The following DAB1 variants were observed in gnomAD, a reference collection of about 807,000 sequenced individuals.
DAB1 encodes DAB adaptor protein 1, also known as disabled homolog 1.
Under a neutral mutation model 64.6 loss-of-function variants are expected in DAB1, and 15 were observed. That is an observed-to-expected ratio of 0.23 (90% CI 0.16 to 0.36). DAB1 has a LOEUF of 0.36. Ranked by LOEUF, DAB1 falls within the 10% of genes least tolerant of loss-of-function variation. The pLI is 1.00. For synonymous variants in DAB1, 235 were observed against 251.9 expected (o/e 0.93, Z 0.64); for missense variants, 596 against 706.7 (o/e 0.84, Z 1.78).
chr1:57,935,440 C>T (rs558393891), intron 5 of DAB1, among the ~76,000 whole-genome samples: 14 of 152,266 alleles, frequency 9.2e-5, no homozygotes, highest in African/African-American at 3.1e-4. Flanking sequence ...ATGGTAATTG[C>T]TTAATGGTGT....
chr1:57,729,582 C>T (rs1441227552), intron 6 of DAB1, among the ~76,000 whole-genome samples: 5 of 152,230 alleles, frequency 3.3e-5, no homozygotes, highest in Non-Finnish European at 4.4e-5. Flanking sequence ...TACTACCTCA[C>T]AGAATCTCCT....
At chr1:58,205,904 C>A (rs1049179986) in intron 4 of DAB1, among the ~76,000 whole-genome samples, 1 of 152,158 alleles carries the variant, frequency 6.6e-6, no homozygotes, top group African/African-American at 2.4e-5. Context: ...CCCAGTTAGT[C>A]AATGCCAAGT....
chr1:58,493,756 G>C (rs1292780907), intron 3 of DAB1, among the ~76,000 whole-genome samples: 6 of 150,990 alleles, frequency 4.0e-5, no homozygotes, highest in East Asian at 1.9e-4. Flanking sequence ...CACTGCTCAA[G>C]GAAATAAAAG....
At chr1:57,764,103 C>G (rs550191465) in intron 6 of DAB1, among the ~76,000 whole-genome samples, 3 of 152,086 alleles carry the variant, frequency 2.0e-5, no homozygotes, top group African/African-American at 7.2e-5. Flanking sequence ...ACCAAGGGCA[C>G]AAAGCCAGCC....
At chr1:58,008,379 C>T (rs1646618180) in intron 5 of DAB1, among the ~76,000 whole-genome samples, 1 of 151,974 alleles carries the variant, frequency 6.6e-6, no homozygotes, top group African/African-American at 2.4e-5. Flanking sequence ...ACTATGAAAA[C>T]TTAGAGGAAA....
chr1:57,603,923 G>C (rs1178940611), intron 7 of DAB1, among the ~76,000 whole-genome samples: 1 of 152,142 alleles, frequency 6.6e-6, no homozygotes, highest in Non-Finnish European at 1.5e-5. Flanking sequence ...TATTAAACCC[G>C]ACCGTTACCA....
intron 1 of DAB1, chr1:58,527,403 AG>A (rs1456841846): frequency 1.8e-5 from 14 of 797,082 alleles, no homozygotes; most frequent in Non-Finnish European, 2.9e-5. Context: ...TAACACAGAG[AG>A]ATTTTTAAAA....
At chr1:57,485,949 T>A (rs1006385127) in intron 7 of DAB1, among the ~76,000 whole-genome samples, 1 of 152,186 alleles carries the variant, frequency 6.6e-6, no homozygotes, top group African/African-American at 2.4e-5. Flanking sequence ...ATTTCTTTTT[T>A]TCAGTCCTTT....
At chr1:57,482,477 TAAA>T (rs918167439) in intron 7 of DAB1, among the ~76,000 whole-genome samples, 1,288 of 61,126 alleles carry the variant, frequency 0.021, 11 homozygotes, top group Middle Eastern at 0.062. Flanking sequence ...CTGAAAGTTG[TAAA>T]AAAAAAAAAA....
chr1:57,119,890 A>G (rs560176), intron 4 of DAB1, among the ~76,000 whole-genome samples: 122,251 of 152,100 alleles, frequency 0.8, 49,277 homozygotes, highest in East Asian at 0.98. Flanking sequence ...CAGTTACATG[A>G]CAAGAGATTG....
intron 4 of DAB1, among the ~76,000 whole-genome samples, chr1:57,112,373 T>C (rs1655740122): frequency 6.6e-6 from 1 of 152,192 alleles, no homozygotes; most frequent in Non-Finnish European, 1.5e-5. Flanking sequence ...ATTTCCACAA[T>C]GGTCTTCTGT....
At chr1:57,266,246 A>G (rs1670582480) in intron 2 of DAB1, among the ~76,000 whole-genome samples, 1 of 152,214 alleles carries the variant, frequency 6.6e-6, no homozygotes, top group Admixed American at 6.5e-5. Context: ...CATGAGTAAA[A>G]TAGGATTAAT....
intron 14 of DAB1, among the ~76,000 whole-genome samples, chr1:57,007,018 C>T (rs981208779): frequency 6.6e-6 from 1 of 151,914 alleles, no homozygotes. Context: ...CCCTCCCTAC[C>T]TCCTTTTTTT....
intron 5 of DAB1, among the ~76,000 whole-genome samples, chr1:57,954,909 A>G (rs1258628990): frequency 6.6e-6 from 1 of 152,188 alleles, no homozygotes; most frequent in South Asian, 2.1e-4. Context: ...ATCCCCTATT[A>G]GCTGCCATGA....
intron 1 of DAB1, among the ~76,000 whole-genome samples, chr1:57,843,561 T>G (rs1653146722): frequency 6.6e-6 from 1 of 152,288 alleles, no homozygotes; most frequent in South Asian, 2.1e-4. Context: ...CCTTCTATTC[T>G]TAGACATCAG....
At chr1:58,024,936 T>A (rs771512665) in intron 5 of DAB1, among the ~76,000 whole-genome samples, 5 of 152,190 alleles carry the variant, frequency 3.3e-5, no homozygotes, top group African/African-American at 1.2e-4. Context: ...GTACCCAACC[T>A]GCTGCCTCAG....
At chr1:57,287,541 G>C (rs1449874080) in intron 2 of DAB1, among the ~76,000 whole-genome samples, 1 of 152,142 alleles carries the variant, frequency 6.6e-6, no homozygotes, top group Non-Finnish European at 1.5e-5. Context: ...CTTATTTGCA[G>C]GTTATATGCT....
intron 6 of DAB1, among the ~76,000 whole-genome samples, chr1:57,678,852 C>T (rs1409865858): frequency 2.7e-5 from 4 of 147,786 alleles, no homozygotes; most frequent in Non-Finnish European, 4.4e-5. Context: ...CTGCAAACTT[C>T]GCCTCCCGGG....
intron 6 of DAB1, among the ~76,000 whole-genome samples, chr1:57,697,697 G>T (rs3126020): frequency 0.36 from 55,150 of 151,878 alleles, 10,564 homozygotes; most frequent in East Asian, 0.5. Context: ...ACATACCCTG[G>T]GAATGATTAC....
Sources: gnomAD v4.1 joint callset for allele counts (sites outside exome capture counted in the v4.1 genomes callset) on GRCh38, gnomAD v4.1.1 for gene constraint, MANE v1.5 for transcripts, NCBI Gene and HGNC (gene_info 2026-07-23, HGNC 2026-07-21) for gene names.